TEAD2: variants seen among roughly 807,000 people sequenced by gnomAD.
The protein encoded by TEAD2 is transcriptional enhancer factor TEF-4.
In TEAD2, 51 loss-of-function variants were observed where a neutral mutation model predicts 61.4. That is an observed-to-expected ratio of 0.83 (90% CI 0.66 to 1.05). The LOEUF is 1.05. TEAD2 is among the 50% of genes least tolerant of loss of function. The pLI is 0.00. For missense variants in TEAD2, 509 were observed against 600.0 expected, an observed-to-expected ratio of 0.85 and a Z score of 1.58; for synonymous variants, 244 against 243.2, an observed-to-expected ratio of 1.00 and a Z score of -0.03.
chr19:49,342,299 G>A, intron 12 of TEAD2, 139 bp downstream of exon 12: 8 of 1,162,034 alleles, frequency 6.9e-6, no homozygotes, highest in East Asian at 2.4e-5. Context: ...CTAGTTAAAA[G>A]AGCCTCAGGC....
At chr19:49,343,028 C>CT (rs1463368628) in intron 11 of TEAD2, among the ~76,000 whole-genome samples, 1 of 152,184 alleles carries the variant, frequency 6.6e-6, no homozygotes, top group Non-Finnish European at 1.5e-5. Flanking sequence ...AGTCTCTATA[C>CT]TACACATTAC....
chr19:49,359,770 G>T lies in TEAD2; in HGVS notation c.232+74C>A. 1 of 1,456,410 alleles carries T rather than the reference G, an allele frequency of 6.9e-7. No individual in the cohort carries two copies. The highest frequency in any genetic ancestry group is 9.5e-7 in the Non-Finnish European group (1 of 1,054,026). 90.2% of individuals were successfully genotyped at this position (1,456,410 alleles called of 1,614,324 possible). A position where few individuals can be genotyped will look rare whatever the true frequency, so the allele number is the denominator to read the frequency against. On this transcript the variant is annotated intron_variant, in intron 2 of 12. Coordinates refer to ENST00000593945, the MANE Select transcript of TEAD2 (RefSeq NM_001256660.2). This position sits in a 1 kb window ranked among gnomAD's most constrained non-coding sequence, Gnocchi z 4.1. Reference sequence around the variant, plus strand: ...AATGGTGATGCTAGCTCCTACTTCAGAGTGCTCCATAAACCTTGGTTACTG... The same window carrying T: ...AATGGTGATGCTAGCTCCTACTTCATAGTGCTCCATAAACCTTGGTTACTG...
At chr19:49,347,464 GC>G in intron 9 of TEAD2, 101 bp from the exon 10 acceptor site, 1 of 1,383,542 alleles carries the variant, frequency 7.2e-7, no homozygotes, top group Non-Finnish European at 1.0e-6. Context: ...CACAGCTCTG[GC>G]CAGCTGTTCC....
chr19:49,356,153 G>C (rs1475951826), intron 4 of TEAD2, 183 bp from the exon 5 acceptor site: 11 of 410,612 alleles, frequency 2.7e-5, no homozygotes, highest in South Asian at 1.3e-4. Context: ...AGGGGAAAAG[G>C]GGCTCCCTGC....
chr19:49,356,117 CAGGA>C, intron 4 of TEAD2, 147 bp from the exon 5 acceptor site: 1 of 565,138 alleles, frequency 1.8e-6, no homozygotes. Flanking sequence ...GGATGCGCAA[CAGGA>C]AGTGGAGGTG....
chr19:49,340,769 T>A lies in TEAD2; in HGVS notation c.*555A>T. ...AGACCCTAGCACCCACTTATAAATA[T>A]CTCGTTATATTAAAAAAAAAAAAAA... is the stretch of plus-strand genomic sequence containing the variant. On this transcript the variant is annotated 3_prime_UTR_variant, in exon 13 of 13. Transcript: ENST00000593945. 2 of 194,826 alleles carry A rather than the reference T, an allele frequency of 1.0e-5. No homozygotes were observed. The highest frequency in any genetic ancestry group is 5.6e-5 in the Admixed American group (1 of 17,982). 12.1% of individuals were successfully genotyped at this position (194,826 alleles called of 1,614,324 possible).
chr19:49,341,130 T>A lies in TEAD2; in HGVS notation c.*194A>T, dbSNP rs1191231437. ...ATATCGGGGTTTATCCTTTCCTCAG[T>A]CCCAGCCTGTTCAGCTCTCCAACCA... On this transcript the variant is annotated 3_prime_UTR_variant, in exon 13 of 13. Coordinates refer to ENST00000593945, the MANE Select transcript of TEAD2 (RefSeq NM_001256660.2). This position sits in a 1 kb window ranked among gnomAD's most constrained non-coding sequence, Gnocchi z 4.2. 5.2e-6 allele frequency: 3 copies of A among 581,296 alleles called. No homozygotes were observed. The East Asian group carries it at 8.7e-5, about 17-fold the overall frequency. 36.0% of individuals were successfully genotyped at this position (581,296 alleles called of 1,614,324 possible).
chr19:49,351,870 G>A (rs56222689), intron 7 of TEAD2, among the ~76,000 whole-genome samples: 1 of 151,538 alleles, frequency 6.6e-6, no homozygotes, highest in Non-Finnish European at 1.5e-5. Flanking sequence ...CCTGTAATCC[G>A]AGCTATTCAG....
intron 7 of TEAD2, among the ~76,000 whole-genome samples, chr19:49,354,929 C>T (rs1028498561): frequency 4.6e-5 from 7 of 152,056 alleles, no homozygotes; most frequent in African/African-American, 9.7e-5. Flanking sequence ...ACTCAGGAAG[C>T]GGAGGTTGCA....
In TEAD2 at chr19:49,341,851, G is replaced by A. The variant is rs1971292231; in HGVS notation, c.1243-414C>T. Among the ~76,000 whole-genome samples, 2 of 152,090 alleles carry A rather than the reference G, an allele frequency of 1.3e-5. No homozygotes were observed. Among genetic ancestry groups the A allele is most frequent in the Non-Finnish European group, 2.9e-5 (2 of 68,008 alleles). On this transcript the variant is annotated intron_variant, in intron 12 of 12. Coordinates refer to ENST00000593945, the MANE Select transcript of TEAD2 (RefSeq NM_001256660.2). The surrounding 1 kb of genome is among the most constrained non-coding windows in gnomAD (Gnocchi z 4.2). ...TGACAAGCTGAGGATCTGCCTTCGA[G>A]TGCCCTCCAGTCAGCTTCACCAGGG... is the stretch of plus-strand genomic sequence containing the variant.
chr19:49,349,823 A>T (rs936197586), intron 8 of TEAD2, among the ~76,000 whole-genome samples: 1 of 152,292 alleles, frequency 6.6e-6, no homozygotes, highest in Admixed American at 6.5e-5. Context: ...CTTTACAGCA[A>T]TGCAAATGGA....
rs553281300 is a variant in TEAD2 at position 49,346,853 on chromosome 19, G to A, written c.921+337C>T. Among the ~76,000 whole-genome samples, 57 of 152,268 alleles carry A rather than the reference G, an allele frequency of 3.7e-4. 1 individual carries two copies. Among genetic ancestry groups the A allele is most frequent in the Admixed American group, 1.8e-3 (27 of 15,298 alleles). On this transcript the variant is annotated intron_variant, in intron 10 of 12. Transcript: ENST00000593945. Reference sequence around the variant, plus strand: ...GGAGGGGTCTTTCCTTAGCAGCACGGCTTGGTGCAGTCAGGTGGGGCACAG... The same window carrying A: ...GGAGGGGTCTTTCCTTAGCAGCACGACTTGGTGCAGTCAGGTGGGGCACAG...
rs568342358 is a variant in TEAD2, at chr19:49,345,230, A to T, written c.922-1832T>A. 9.2e-5 allele frequency among the ~76,000 whole-genome samples: 14 copies of T among 152,350 alleles called. No individual in the cohort carries two copies. In the South Asian group the frequency reaches 1.2e-3, roughly 14 times the overall value. On this transcript the variant is annotated intron_variant, in intron 10 of 12. Transcript: ENST00000593945. ...TCCAGAACCGTGAACAGCAAGCTCC[A>T]GAACAACAACACTCCCAGCAAGAAC...
chr19:49,358,220 C>A (rs1446969508), intron 3 of TEAD2, among the ~76,000 whole-genome samples: 1 of 151,592 alleles, frequency 6.6e-6, no homozygotes, highest in African/African-American at 2.4e-5. Context: ...GGCAACAGAG[C>A]GAGACTCCGT....
chr19:49,358,463 C>T lies in TEAD2; in HGVS notation c.297+972G>A, dbSNP rs1017193146. On this transcript the variant is annotated intron_variant, in intron 3 of 12. Coordinates refer to ENST00000593945, the MANE Select transcript of TEAD2 (RefSeq NM_001256660.2). ...TGGGTGTTTAAAAAGAGTCTGGGAC[C>T]TCTGTCTTTCTTCTGTTGCTCCCAC... Among the ~76,000 whole-genome samples, 93 of 152,040 alleles carry T rather than the reference C, an allele frequency of 6.1e-4. 1 individual carries two copies. The highest frequency in any genetic ancestry group is 2.2e-3 in the African/African-American group (90 of 41,500).
chr19:49,341,558 C>T lies in TEAD2; in HGVS notation c.1243-121G>A, dbSNP rs975153773. On this transcript the variant is annotated intron_variant, in intron 12 of 12. Transcript: ENST00000593945. This position sits in a 1 kb window ranked among gnomAD's most constrained non-coding sequence, Gnocchi z 4.2. ...TCTTTTCCATCTCCAGGAAACAGGC[C>T]GCCACCATATCATGTTCCCCAGGAG... The T allele has an allele frequency of 6.9e-5, 53 of 763,870 alleles. No homozygotes were observed. The highest frequency in any genetic ancestry group is 1.6e-4 in the East Asian group (6 of 36,944). 47.3% of individuals were successfully genotyped at this position (763,870 alleles called of 1,614,324 possible).
At chr19:49,361,854 A>T (rs1568586898) in intron 1 of TEAD2, 2 of 152,706 alleles carry the variant, frequency 1.3e-5, no homozygotes, top group Non-Finnish European at 2.9e-5. Context: ...CGTAGGCCAA[A>T]ATCCCAGCCC....
chr19:49,354,823 A>C (rs3745303), intron 7 of TEAD2, among the ~76,000 whole-genome samples: 40,696 of 151,550 alleles, frequency 0.27, 5,739 homozygotes, highest in African/African-American at 0.34. Context: ...CGTGGTGAAA[A>C]CCCATCTCTA....
At chr19:49,353,955 T>TTTTA (rs1568572952) in intron 7 of TEAD2, among the ~76,000 whole-genome samples, 5 of 97,178 alleles carry the variant, frequency 5.1e-5, no homozygotes, top group Non-Finnish European at 1.1e-4. Flanking sequence ...TAATTGTTTT[T>TTTTA]TGTTTTTTTT....
Sources: allele counts gnomAD v4.1 joint callset (sites outside exome capture counted in the v4.1 genomes callset), GRCh38; gene constraint gnomAD v4.1.1; non-coding constraint Gnocchi (gnomAD v3.1); transcripts MANE v1.5; gene names NCBI Gene and HGNC (gene_info 2026-07-23, HGNC 2026-07-21).